Variants in RAB37 observed in about 807,000 individuals in gnomAD.
RAB37 encodes ras-related protein Rab-37.
Under a neutral mutation model 33.1 loss-of-function variants are expected in RAB37, and 29 were observed. The ratio of observed to expected loss-of-function variants is 0.88; its 90% CI spans 0.65 to 1.20. RAB37 has a LOEUF of 1.20. Among genes scored for constraint, RAB37 ranks in the 50% most tolerant of loss-of-function variants. The pLI is 0.00. For synonymous variants in RAB37, 128 were observed against 119.5 expected, an observed-to-expected ratio of 1.07 and a Z score of -0.47; for missense variants, 299 against 301.1, an observed-to-expected ratio of 0.99 and a Z score of 0.05.
intron 2 of RAB37, among the ~76,000 whole-genome samples, chr17:74,741,633 A>G (rs1370065829): frequency 6.7e-6 from 1 of 150,280 alleles, no homozygotes; most frequent in Non-Finnish European, 1.5e-5. Context: ...GGGAGACAGC[A>G]GCTCACCAGG....
chr17:74,695,882 G>A (rs1439290080), intron 1 of RAB37: 1 of 1,607,948 alleles, frequency 6.2e-7, no homozygotes, highest in Non-Finnish European at 8.5e-7. Flanking sequence ...ACACAGGCTG[G>A]GGAGTCACAA....
intron 1 of RAB37, among the ~76,000 whole-genome samples, chr17:74,715,362 T>C (rs1429361746): frequency 6.6e-6 from 1 of 152,196 alleles, no homozygotes; most frequent in African/African-American, 2.4e-5. Flanking sequence ...TGGCCAGAGA[T>C]GGCTTCTCGC....
At position 74,744,484 on chromosome 17, in the gene RAB37, C is replaced by A; in HGVS notation, c.432+111C>A. On this transcript the variant is annotated intron_variant, in intron 6 of 8. Coordinates refer to ENST00000392613, the MANE Select transcript of RAB37 (RefSeq NM_001006638.3). The surrounding 1 kb of genome is among the most constrained non-coding windows in gnomAD (Gnocchi z 4.2). Reference sequence around the variant, plus strand: ...GGCATCCTTCCTGAAAAGGACTCTGCAGCCTCCAGCTCAGGGGTCAGACAT... The same window carrying A: ...GGCATCCTTCCTGAAAAGGACTCTGAAGCCTCCAGCTCAGGGGTCAGACAT... 1.0e-6 allele frequency: 1 copy of A among 1,004,796 alleles called. No individual in the cohort carries two copies. The highest frequency in any genetic ancestry group is 1.6e-6 in the Non-Finnish European group (1 of 641,688). 62.2% of individuals were successfully genotyped at this position (1,004,796 alleles called of 1,614,324 possible).
intron 1 of RAB37, among the ~76,000 whole-genome samples, chr17:74,691,666 G>A (rs1567777828): frequency 6.6e-6 from 1 of 152,234 alleles, no homozygotes; most frequent in Non-Finnish European, 1.5e-5. Flanking sequence ...AATGTCAGAA[G>A]TTTCATGGCA....
chr17:74,696,385 T>C (rs543230689), intron 1 of RAB37, among the ~76,000 whole-genome samples: 9 of 152,318 alleles, frequency 5.9e-5, no homozygotes, highest in African/African-American at 1.9e-4. Context: ...GTCTGTGACA[T>C]TCGTCATGTC....
In RAB37 at chr17:74,676,599, G is replaced by A. The variant is rs1022959738; in HGVS notation, c.72+4941G>A. 6.6e-5 allele frequency among the ~76,000 whole-genome samples: 10 copies of A among 152,104 alleles called. No homozygotes were observed. Among genetic ancestry groups the A allele is most frequent in the East Asian group, 1.9e-4 (1 of 5,194 alleles). Reference sequence around the variant, plus strand: ...CCCTCAAAAGTCCGCATGCCTCATCGATTCATTCAGCAAACATGCATTGGA... The same window carrying A: ...CCCTCAAAAGTCCGCATGCCTCATCAATTCATTCAGCAAACATGCATTGGA... On this transcript the variant is annotated intron_variant, in intron 1 of 7. Coordinates refer to the RAB37 transcript ENST00000340415. This position sits in a 1 kb window ranked among gnomAD's most constrained non-coding sequence, Gnocchi z 4.1.
In RAB37 at chr17:74,745,599, G is replaced by A. The variant is rs1201483759; in HGVS notation, c.*188G>A. ...TCCTGCGGTCTCCCCGCATCCACAG[G>A]GAGGGTAAAACACTTAGCTTTTATT... On this transcript the variant is annotated 3_prime_UTR_variant, in exon 9 of 9. Coordinates refer to ENST00000392613, the MANE Select transcript of RAB37 (RefSeq NM_001006638.3). This position sits in a 1 kb window ranked among gnomAD's most constrained non-coding sequence, Gnocchi z 4.5. 5.1e-6 allele frequency: 3 copies of A among 587,060 alleles called. No homozygotes were observed. Among genetic ancestry groups the A allele is most frequent in the Non-Finnish European group, 9.1e-6 (3 of 328,918 alleles). The allele number at this position is 587,060 out of a possible 1,614,324, so 36.4% of individuals were successfully genotyped here.
upstream of RAB37, among the ~76,000 whole-genome samples, chr17:74,735,033 G>GAA (rs1332513452): frequency 4.0e-5 from 5 of 124,544 alleles, no homozygotes; most frequent in East Asian, 1.1e-3. Flanking sequence ...AAGAAAGAAA[G>GAA]AAAGAAAGAA....
At chr17:74,717,043 G>A (rs1340014311) in intron 1 of RAB37, among the ~76,000 whole-genome samples, 1 of 152,154 alleles carries the variant, frequency 6.6e-6, no homozygotes, top group Non-Finnish European at 1.5e-5. Flanking sequence ...GCTGAGGCAG[G>A]AGAATCACTT....
At chr17:74,696,177 C>T (rs759857167) in intron 1 of RAB37, 2 of 1,599,428 alleles carry the variant, frequency 1.3e-6, no homozygotes. Context: ...TCTGGTCCGA[C>T]CTTGGGGGCT....
At chr17:74,700,539 G>A (rs747217758) in intron 1 of RAB37, among the ~76,000 whole-genome samples, 37 of 151,968 alleles carry the variant, frequency 2.4e-4, no homozygotes, top group Non-Finnish European at 4.7e-4. Flanking sequence ...TCGGGAGTTC[G>A]AGACCAGCCT....
intron 1 of RAB37, among the ~76,000 whole-genome samples, chr17:74,697,511 C>A (rs2032610732): frequency 6.6e-6 from 1 of 152,176 alleles, no homozygotes; most frequent in Admixed American, 6.5e-5. Flanking sequence ...AACAAACTAA[C>A]AGAGAGTCAG....
Position 74,745,001 on chromosome 17 carries a change from C to T in RAB37, c.490-7C>T, listed in dbSNP as rs761585121. On this transcript the variant is annotated splice_polypyrimidine_tract_variant and splice_region_variant and intron_variant, in intron 7 of 8. Transcript: ENST00000392613. This position sits in a 1 kb window ranked among gnomAD's most constrained non-coding sequence, Gnocchi z 4.5. ...CGCTGGCCCTGAGGACACTCTCTCCCGGGCAGGAGTACGGTGTTCCCTTCC... is the reference window on the plus strand; with the variant it reads ...CGCTGGCCCTGAGGACACTCTCTCCTGGGCAGGAGTACGGTGTTCCCTTCC... 42 of 1,614,116 alleles carry T rather than the reference C, an allele frequency of 2.6e-5. No homozygotes were observed. Among genetic ancestry groups the T allele is most frequent in the Admixed American group, 2.5e-4 (15 of 60,014 alleles).
At chr17:74,698,550 C>A in intron 1 of RAB37, 1 of 1,543,774 alleles carries the variant, frequency 6.5e-7, no homozygotes. Flanking sequence ...ATCCCACCCA[C>A]CCAGCAGCAG....
intron 1 of RAB37, chr17:74,713,126 GA>G: frequency 2.2e-6 from 1 of 462,740 alleles, no homozygotes; most frequent in Non-Finnish European, 4.0e-6. Flanking sequence ...CCAACATAGT[GA>G]AACCCCGTCT....
chr17:74,697,886 C>T (rs796555966), intron 1 of RAB37, among the ~76,000 whole-genome samples: 2 of 152,214 alleles, frequency 1.3e-5, no homozygotes, highest in African/African-American at 2.4e-5. Flanking sequence ...GTGATGAGTG[C>T]ACATGCACTG....
At chr17:74,726,275 C>T (rs1040485274) in intron 1 of RAB37, among the ~76,000 whole-genome samples, 3 of 149,640 alleles carry the variant, frequency 2.0e-5, no homozygotes, top group African/African-American at 7.4e-5. Context: ...ATGAGAGGAT[C>T]ATCCTGCCCC....
upstream of RAB37, among the ~76,000 whole-genome samples, chr17:74,734,034 T>A (rs765942725): frequency 2.6e-5 from 4 of 152,188 alleles, no homozygotes; most frequent in Non-Finnish European, 5.9e-5. Context: ...TTCGTGCTAA[T>A]GTTCAACCTT....
intron 1 of RAB37, among the ~76,000 whole-genome samples, chr17:74,722,673 T>G (rs2034257172): frequency 6.6e-6 from 1 of 152,250 alleles, no homozygotes; most frequent in Non-Finnish European, 1.5e-5. Flanking sequence ...TCACATCCTT[T>G]GTTCACTTTT....
Sources: allele counts gnomAD v4.1 joint callset (sites outside exome capture counted in the v4.1 genomes callset), GRCh38; gene constraint gnomAD v4.1.1; non-coding constraint Gnocchi (gnomAD v3.1); transcripts MANE v1.5; gene names NCBI Gene and HGNC (gene_info 2026-07-23, HGNC 2026-07-21).